The following WWOX variants were observed in gnomAD, a reference collection of about 807,000 sequenced individuals.
WWOX encodes WW domain containing oxidoreductase.
WWOX carries 69 observed loss-of-function variants against 46.2 expected under a neutral mutation model. That is an observed-to-expected ratio of 1.49 (90% CI 1.23 to 1.82). The LOEUF (loss-of-function observed/expected upper bound fraction) is 1.82. Among genes scored for constraint, WWOX ranks in the 40% most tolerant of loss-of-function variants. The pLI, the probability that WWOX is intolerant of heterozygous loss-of-function variation, is 0.00. For missense variants in WWOX, 919 were observed against 542.6 expected (o/e 1.69, Z -6.89); for synonymous variants, 359 against 202.6 (o/e 1.77, Z -6.56).
chr16:78,588,906 C>T (rs1444618613), intron 8 of WWOX, among the ~76,000 whole-genome samples: 1 of 152,104 alleles, frequency 6.6e-6, no homozygotes, highest in Non-Finnish European at 1.5e-5. Context: ...GGAGGAGGAA[C>T]TTCTCAGGAA....
chr16:78,877,529 C>T (rs761973852), intron 8 of WWOX, among the ~76,000 whole-genome samples: 1 of 152,234 alleles, frequency 6.6e-6, no homozygotes. Flanking sequence ...CAGCCTGCCT[C>T]TCTGAGCCTT....
At chr16:78,556,943 T>A (rs2044312979) in intron 8 of WWOX, among the ~76,000 whole-genome samples, 1 of 152,008 alleles carries the variant, frequency 6.6e-6, no homozygotes, top group Non-Finnish European at 1.5e-5. Context: ...GGTCTTGAAC[T>A]CTTGACCTCA....
intron 4 of WWOX, among the ~76,000 whole-genome samples, chr16:78,116,039 A>G (rs918319238): frequency 2.6e-5 from 4 of 151,924 alleles, no homozygotes; most frequent in African/African-American, 2.4e-5. Flanking sequence ...AAAGGTGTCT[A>G]TATTTATGGG....
chr16:78,274,552 C>T (rs563891844), intron 5 of WWOX, among the ~76,000 whole-genome samples: 2 of 152,252 alleles, frequency 1.3e-5, no homozygotes, highest in South Asian at 2.1e-4. Context: ...TTCATGATTT[C>T]GGCAGGAGTG....
chr16:78,428,691 A>T (rs116748732), intron 7 of WWOX, among the ~76,000 whole-genome samples: 1,616 of 152,282 alleles, frequency 0.011, 32 homozygotes, highest in African/African-American at 0.036. Context: ...TTAAATACTG[A>T]AACAGGGACC....
At chr16:78,840,085 C>T (rs980202264) in intron 8 of WWOX, among the ~76,000 whole-genome samples, 1 of 152,218 alleles carries the variant, frequency 6.6e-6, no homozygotes, top group South Asian at 2.1e-4. Context: ...TGAGAACATG[C>T]TTTGCACAAA....
At chr16:79,210,620 A>G (rs1272032284) in intron 8 of WWOX, among the ~76,000 whole-genome samples, 1 of 152,182 alleles carries the variant, frequency 6.6e-6, no homozygotes, top group African/African-American at 2.4e-5. Context: ...TCTGAAACAC[A>G]TAAATAATCA....
intron 5 of WWOX, among the ~76,000 whole-genome samples, chr16:78,357,389 C>T (rs2081318664): frequency 6.6e-6 from 1 of 152,174 alleles, no homozygotes; most frequent in African/African-American, 2.4e-5. Flanking sequence ...TTGCTTCTCC[C>T]TGCATAGCCA....
At chr16:78,858,538 G>A (rs976489180) in intron 8 of WWOX, among the ~76,000 whole-genome samples, 1 of 152,066 alleles carries the variant, frequency 6.6e-6, no homozygotes, top group Non-Finnish European at 1.5e-5. Flanking sequence ...TTGGGGTTGA[G>A]GTGATAAACA....
chr16:78,761,175 C>T (rs1051128411), intron 8 of WWOX, among the ~76,000 whole-genome samples: 1 of 152,132 alleles, frequency 6.6e-6, no homozygotes, highest in Non-Finnish European at 1.5e-5. Context: ...CTTATAAGAA[C>T]TATTGCATTT....
At chr16:78,810,368 C>T (rs1438745249) in intron 8 of WWOX, among the ~76,000 whole-genome samples, 1 of 152,188 alleles carries the variant, frequency 6.6e-6, no homozygotes, top group Non-Finnish European at 1.5e-5. Context: ...TTTATGTGGA[C>T]ACATGCAGCC....
intron 8 of WWOX, among the ~76,000 whole-genome samples, chr16:79,043,741 C>G (rs1434400648): frequency 2.0e-5 from 3 of 152,208 alleles, no homozygotes; most frequent in Non-Finnish European, 4.4e-5. Flanking sequence ...ATCTCTGGAT[C>G]CAGGCTGAAA....
chr16:78,100,205 T>C, intron 1 of WWOX: 2 of 1,188,194 alleles, frequency 1.7e-6, no homozygotes, highest in Non-Finnish European at 1.1e-6. Flanking sequence ...GCGCACATGC[T>C]CAGCTCCCTC....
At chr16:78,235,981 T>C (rs1018412851) in intron 5 of WWOX, among the ~76,000 whole-genome samples, 1 of 152,196 alleles carries the variant, frequency 6.6e-6, no homozygotes, top group Non-Finnish European at 1.5e-5. Flanking sequence ...ATGGTCTCTG[T>C]TGCAACTTCT....
At chr16:78,116,983 C>T (rs2032829532) in intron 4 of WWOX, among the ~76,000 whole-genome samples, 2 of 152,110 alleles carry the variant, frequency 1.3e-5, no homozygotes, top group Non-Finnish European at 2.9e-5. Flanking sequence ...CATTGTAATC[C>T]AGGACTGATA....
intron 8 of WWOX, among the ~76,000 whole-genome samples, chr16:79,079,510 C>A (rs1188788047): frequency 1.3e-5 from 2 of 152,178 alleles, no homozygotes; most frequent in African/African-American, 2.4e-5. Flanking sequence ...CCCCCTGTTA[C>A]ATTCTTGAAC....
chr16:79,016,605 T>G (rs1238473108), intron 8 of WWOX: 1 of 152,218 alleles, frequency 6.6e-6, no homozygotes, highest in African/African-American at 2.4e-5. Context: ...GTGTTTTTAG[T>G]AGAGATGGGG....
At position 78,801,866 on chromosome 16, in the gene WWOX, G is replaced by C. The variant is rs111688602; in HGVS notation, c.1056+369114G>C. 3.3e-3 allele frequency among the ~76,000 whole-genome samples: 507 copies of C among 152,274 alleles called. 2 individuals are homozygous for C. Among genetic ancestry groups the C allele is most frequent in the Non-Finnish European group, 5.6e-3 (383 of 68,026 alleles). On this transcript the variant is annotated intron_variant, in intron 8 of 8. Coordinates refer to ENST00000566780, the MANE Select transcript of WWOX (RefSeq NM_016373.4). The stretch of plus-strand genomic sequence containing the variant: ...ATGTTGATATTTTATAGATTGTTGA[G>C]TCCGATTGTCCTGATCTAAAATTAA...
chr16:78,618,564 T>C lies in WWOX; in HGVS notation c.1056+185812T>C, dbSNP rs186241049. Among the ~76,000 whole-genome samples the C allele has an allele frequency of 4.6e-5, 7 of 152,280 alleles. No homozygotes were observed. In the East Asian group the frequency reaches 1.4e-3, roughly 29 times the overall value. On this transcript the variant is annotated intron_variant, in intron 8 of 8. Transcript: ENST00000566780. ...TTACCTGAACTGTCTCTTAAAAGGC[T>C]CTGTCTCCAAACACAGTCACATTGT...
Sources: allele counts gnomAD v4.1 joint callset (sites outside exome capture counted in the v4.1 genomes callset), GRCh38; gene constraint gnomAD v4.1.1; transcripts MANE v1.5; gene names NCBI Gene and HGNC (gene_info 2026-07-23, HGNC 2026-07-21).